Variants in SCRN3 observed in about 807,000 individuals in gnomAD.
SCRN3 encodes the protein secernin-3.
A neutral mutation model predicts 43.1 loss-of-function variants in SCRN3; 39 were observed. The observed-to-expected ratio is 0.91, with a 90% CI of 0.70 to 1.18. The LOEUF (loss-of-function observed/expected upper bound fraction) is 1.18, where lower values mean the gene tolerates loss of function less well. Among genes scored for constraint, SCRN3 ranks in the 50% most tolerant of loss-of-function variants. The pLI, the probability that SCRN3 is intolerant of heterozygous loss-of-function variation, is 0.00. For synonymous variants in SCRN3, 147 were observed against 163.1 expected, an observed-to-expected ratio of 0.90 and a Z score of 0.75; for missense variants, 484 against 498.0, an observed-to-expected ratio of 0.97 and a Z score of 0.27.
chr2:174,406,863 G>A (rs1407330644), intron 5 of SCRN3, among the ~76,000 whole-genome samples: 1 of 132,774 alleles, frequency 7.5e-6, no homozygotes, highest in East Asian at 2.1e-4. Context: ...TGGTTTGACA[G>A]TATTTTATTG....
chr2:174,395,851 G>A, intron 1 of SCRN3, 34 bp downstream of exon 1: 2 of 1,464,366 alleles, frequency 1.4e-6, no homozygotes, highest in Non-Finnish European at 1.8e-6. Context: ...GGCGTGCATA[G>A]TTGAGACAGA....
chr2:174,405,084 G>A (rs1376375905), intron 5 of SCRN3, among the ~76,000 whole-genome samples: 1 of 62,418 alleles, frequency 1.6e-5, no homozygotes, highest in Non-Finnish European at 3.4e-5. Context: ...CAGTGTAAAA[G>A]TGTTCCTATT....
chr2:174,428,618 G>A lies in SCRN3; in HGVS notation c.*723G>A, dbSNP rs1463245672. 6.6e-6 allele frequency: 1 copy of A among 152,112 alleles called. No homozygotes were observed. The highest frequency in any genetic ancestry group is 2.4e-5 in the African/African-American group (1 of 41,436). The allele number at this position is 152,112 out of a possible 1,614,324, so 9.4% of individuals were successfully genotyped here. A position where few individuals can be genotyped will look rare whatever the true frequency, so the allele number is the denominator to read the frequency against. ...CAAAACCTTAGGATATACTGTTTCT[G>A]GGTCTGAAATCTCTCTCATTGTTTA... On this transcript the variant is annotated 3_prime_UTR_variant, in exon 8 of 8. Transcript: ENST00000272732.
chr2:174,411,423 T>A (rs1012180737), intron 5 of SCRN3, among the ~76,000 whole-genome samples: 2 of 152,190 alleles, frequency 1.3e-5, no homozygotes, highest in Admixed American at 6.5e-5. Flanking sequence ...ATTATGATAG[T>A]TTCTACTGTA....
At chr2:174,413,212 G>A (rs1305029356) in intron 5 of SCRN3, among the ~76,000 whole-genome samples, 1 of 152,052 alleles carries the variant, frequency 6.6e-6, no homozygotes, top group African/African-American at 2.4e-5. Flanking sequence ...ACTGCAAAAA[G>A]GTTTTGTAAA....
intron 5 of SCRN3, among the ~76,000 whole-genome samples, chr2:174,413,586 C>CTTTTT (rs10524979): frequency 1.2e-4 from 11 of 90,218 alleles, no homozygotes; most frequent in Non-Finnish European, 1.5e-4. Flanking sequence ...TTTGTCTTTC[C>CTTTTT]TTTTTTTTTT....
At chr2:174,408,465 G>A (rs1345423850) in intron 5 of SCRN3, among the ~76,000 whole-genome samples, 2 of 147,730 alleles carry the variant, frequency 1.4e-5, no homozygotes, top group South Asian at 2.1e-4. Flanking sequence ...TATATTTAAA[G>A]TTAATATTGT....
At chr2:174,397,185 A>G (rs1257898334) in intron 1 of SCRN3, 3 of 977,736 alleles carry the variant, frequency 3.1e-6, no homozygotes, top group Admixed American at 6.2e-5. Context: ...GTTTTTATTT[A>G]GTCATTTTCT....
chr2:174,401,077 C>T lies in SCRN3; in HGVS notation c.429C>T (p.Cys143=), dbSNP rs779129682. 2 of 1,613,738 alleles carry T rather than the reference C, an allele frequency of 1.2e-6. No individual in the cohort carries two copies. The highest frequency in any genetic ancestry group is 8.5e-7 in the Non-Finnish European group (1 of 1,179,862). ...AAAAATATGGCCAGGGTGGAAATTG[C>T]ACAGAGGGTAGAATGGTATTTAGCT... The part of the protein sequence containing the change: ...LLEKYGQGGN[C]TEGRMVFSYH... The change falls in exon 4 of 8, where the codon TGC becomes TGT. Residue 143 remains cysteine, a synonymous_variant. Transcript: ENST00000272732.
chr2:174,410,658 G>T (rs1221532994), intron 5 of SCRN3, among the ~76,000 whole-genome samples: 1 of 152,096 alleles, frequency 6.6e-6, no homozygotes, highest in Non-Finnish European at 1.5e-5. Context: ...CTGGAGACAG[G>T]CTTCTTTGAC....
At chr2:174,427,622 T>G in intron 7 of SCRN3, 91 bp from the exon 8 acceptor site, 1 of 648,356 alleles carries the variant, frequency 1.5e-6, no homozygotes, top group Admixed American at 3.9e-5. Context: ...GAAGCCAGCA[T>G]GAACAAACCT....
intron 7 of SCRN3, 104 bp downstream of exon 7, chr2:174,424,753 AGTTTT>A: frequency 1.2e-6 from 1 of 840,020 alleles, no homozygotes; most frequent in East Asian, 2.7e-5. Flanking sequence ...TATAAGAAAT[AGTTTT>A]AGGAATAGTT....
At chr2:174,403,882 AT>A (rs113545420) in intron 4 of SCRN3, among the ~76,000 whole-genome samples, 29,611 of 152,034 alleles carry the variant, frequency 0.19, 3,378 homozygotes, top group Middle Eastern at 0.37. Context: ...TCTCAGTATT[AT>A]TTTTTTATAA....
intron 5 of SCRN3, among the ~76,000 whole-genome samples, chr2:174,412,571 C>G (rs1685958535): frequency 6.6e-6 from 1 of 152,134 alleles, no homozygotes; most frequent in African/African-American, 2.4e-5. Flanking sequence ...GTTTTCCTGC[C>G]TCTTGGCTTC....
At chr2:174,402,916 G>C (rs976659687) in intron 4 of SCRN3, among the ~76,000 whole-genome samples, 1 of 151,914 alleles carries the variant, frequency 6.6e-6, no homozygotes, top group Non-Finnish European at 1.5e-5. Flanking sequence ...CTCTAAGACA[G>C]GCTTTTATTT....
chr2:174,399,970 C>G lies in SCRN3; in HGVS notation c.208C>G (p.Leu70Val). 1.3e-6 allele frequency: 2 copies of G among 1,574,970 alleles called. No individual in the cohort carries two copies. The highest frequency in any genetic ancestry group is 1.7e-6 in the Non-Finnish European group (2 of 1,165,704). The part of the protein sequence containing the change: ...DQVPETYAVV[L>V]SRPAWLWGAE... Reference sequence around the variant, plus strand: ...AGTTCCTGAAACATATGCTGTTGTCCTGAGTCGCCCAGCGTGGTTGTGGGG... The same window carrying G: ...AGTTCCTGAAACATATGCTGTTGTCGTGAGTCGCCCAGCGTGGTTGTGGGG... Residue 70 changes from leucine to valine, a missense_variant, in exon 3 of 8, where the codon CTG becomes GTG. Leu to Val is a conservative substitution (Grantham distance 32, BLOSUM62 1). Transcript: ENST00000272732.
At chr2:174,410,620 T>G (rs1685884381) in intron 5 of SCRN3, 1 of 152,220 alleles carries the variant, frequency 6.6e-6, no homozygotes, top group African/African-American at 2.4e-5. Context: ...AAATTGAGAT[T>G]ACTTTTCTTC....
chr2:174,396,028 G>C, intron 1 of SCRN3: 1 of 1,315,440 alleles, frequency 7.6e-7, no homozygotes, highest in Non-Finnish European at 9.7e-7. Context: ...TGTGGACTCT[G>C]ACTCGAGCTG....
At chr2:174,421,228 C>T (rs560717669) in intron 5 of SCRN3, among the ~76,000 whole-genome samples, 2 of 152,098 alleles carry the variant, frequency 1.3e-5, no homozygotes, top group East Asian at 3.9e-4. Context: ...TGAAAAATAT[C>T]CTCTAAAAAT....
Sources: allele counts gnomAD v4.1 joint callset (sites outside exome capture counted in the v4.1 genomes callset), GRCh38; gene constraint gnomAD v4.1.1; transcripts MANE v1.5; gene names NCBI Gene and HGNC (gene_info 2026-07-23, HGNC 2026-07-21).